CLMP: variants seen among roughly 807,000 people sequenced by gnomAD.
The protein encoded by CLMP is CXADR-like membrane protein.
A neutral mutation model predicts 45.2 loss-of-function variants in CLMP; 27 were observed. The ratio of observed to expected loss-of-function variants is 0.60; its 90% CI spans 0.44 to 0.82. The LOEUF is 0.82. Among genes scored for constraint, CLMP ranks in the 40% least tolerant of loss-of-function variants. The pLI, the probability that CLMP is intolerant of heterozygous loss-of-function variation, is 0.00. For missense variants in CLMP, 403 were observed against 448.4 expected (o/e 0.90, Z 0.91); for synonymous variants, 167 against 171.4 (o/e 0.97, Z 0.20).
intron 1 of CLMP, among the ~76,000 whole-genome samples, chr11:123,145,326 G>T (rs1368033165): frequency 1.3e-5 from 2 of 152,064 alleles, no homozygotes; most frequent in Non-Finnish European, 2.9e-5. Context: ...TGACTCACAG[G>T]TTGAGAACTA....
chr11:123,098,626 CA>C (rs1421838875), intron 1 of CLMP, among the ~76,000 whole-genome samples: 4 of 151,718 alleles, frequency 2.6e-5, no homozygotes, highest in Admixed American at 2.0e-4. Context: ...CCCTCGACCT[CA>C]CCAATTCAAG....
intron 1 of CLMP, among the ~76,000 whole-genome samples, chr11:123,147,105 A>C (rs566955625): frequency 6.4e-4 from 97 of 152,216 alleles, no homozygotes; most frequent in African/African-American, 2.2e-3. Flanking sequence ...CATATTTTCC[A>C]GTGTATTCAC....
At chr11:123,160,279 C>CAAAAAAAAAAAA (rs67087501) in intron 1 of CLMP, among the ~76,000 whole-genome samples, 1 of 46,670 alleles carries the variant, frequency 2.1e-5, no homozygotes, top group Non-Finnish European at 3.5e-5. Context: ...GACTCTGTCT[C>CAAAAAAAAAAAA]AAAAAAAAAA....
chr11:123,118,999 TTCTCTCTCTCTCTCTCTCTCTCTCTCTC>T (rs1248549147), intron 1 of CLMP, among the ~76,000 whole-genome samples: 8 of 14,150 alleles, frequency 5.7e-4, no homozygotes, highest in Admixed American at 9.6e-4. Context: ...CTTTCTTTCT[TTCTCTCTCTCTCTCTCTCTCTCTCTCTC>T]TCTCTCTCTC....
At chr11:123,119,160 C>G (rs1565388182) in intron 1 of CLMP, among the ~76,000 whole-genome samples, 1 of 150,302 alleles carries the variant, frequency 6.7e-6, no homozygotes, top group Non-Finnish European at 1.5e-5. Flanking sequence ...CTTGGCTCAC[C>G]ACAACCTCCA....
intron 5 of CLMP, among the ~76,000 whole-genome samples, chr11:123,078,567 C>T (rs1437585510): frequency 6.6e-6 from 1 of 152,008 alleles, no homozygotes; most frequent in Non-Finnish European, 1.5e-5. Flanking sequence ...CTACCTCAGC[C>T]TCCCGAGTAG....
At chr11:123,100,487 G>A (rs1866043158) in intron 1 of CLMP, among the ~76,000 whole-genome samples, 1 of 152,050 alleles carries the variant, frequency 6.6e-6, no homozygotes, top group Admixed American at 6.5e-5. Context: ...TGTTTTATTT[G>A]GGGGTGAGCT....
chr11:123,079,785 A>G lies in CLMP; in HGVS notation c.679+3300T>C, dbSNP rs114906063. On this transcript the variant is annotated intron_variant, in intron 5 of 6. Transcript: ENST00000448775. ...TAAGAAAAATTATCTAAACTTGGAA[A>G]TAGACAAAAGAACTACAGAACTTGG... Among the ~76,000 whole-genome samples the G allele has an allele frequency of 4.6e-3, 694 of 152,320 alleles. 7 individuals carry two copies. The highest frequency in any genetic ancestry group is 0.016 in the African/African-American group (670 of 41,578).
intron 1 of CLMP, among the ~76,000 whole-genome samples, chr11:123,193,643 T>G (rs180822907): frequency 6.6e-6 from 1 of 152,350 alleles, no homozygotes; most frequent in Admixed American, 6.5e-5. Flanking sequence ...AAGATGGGTA[T>G]GCATACAGTA....
chr11:123,194,239 A>G (rs1368686221), intron 1 of CLMP, among the ~76,000 whole-genome samples: 1 of 150,702 alleles, frequency 6.6e-6, no homozygotes, highest in Non-Finnish European at 1.5e-5. Context: ...TGCTTGCTCT[A>G]TTTCCCTCTG....
rs1193145851 is a variant in CLMP, at chr11:123,073,628, G to C, written c.968C>G (p.Ala323Gly). 1 of 1,614,122 alleles carries C rather than the reference G, an allele frequency of 6.2e-7. No individual in the cohort carries two copies. Among genetic ancestry groups the C allele is most frequent in the Non-Finnish European group, 8.5e-7 (1 of 1,180,048 alleles). The change falls in exon 7 of 7, where the codon GCA becomes GGA. Residue 323 changes from alanine (A) to glycine (G), a missense_variant. Ala to Gly is a moderately conservative substitution (Grantham distance 60). Transcript: ENST00000448775. ...CTGGGTGGCCAGCCCTGGCTGGGGTGCTGCGTCAGTTGACAGTGTCCGCTG... is the reference window on the plus strand; with the variant it reads ...CTGGGTGGCCAGCCCTGGCTGGGGTCCTGCGTCAGTTGACAGTGTCCGCTG... ...RSQRTLSTDA[A>G]PQPGLATQAY...
chr11:123,161,400 C>T (rs1861485953), intron 1 of CLMP, among the ~76,000 whole-genome samples: 1 of 151,920 alleles, frequency 6.6e-6, no homozygotes, highest in Non-Finnish European at 1.5e-5. Context: ...GGTATGGTGG[C>T]TCATGCCTGT....
chr11:123,166,528 G>C (rs79564165), intron 1 of CLMP, among the ~76,000 whole-genome samples: 1 of 152,224 alleles, frequency 6.6e-6, no homozygotes, highest in African/African-American at 2.4e-5. Flanking sequence ...AGCAGGCCGT[G>C]TTTGGACTAG....
intron 1 of CLMP, among the ~76,000 whole-genome samples, chr11:123,127,874 T>A (rs931662876): frequency 2.6e-5 from 4 of 151,938 alleles, no homozygotes; most frequent in African/African-American, 9.7e-5. Flanking sequence ...CTGTCTCTAC[T>A]GAAAATACAA....
At position 123,153,838 on chromosome 11, in the gene CLMP, A is replaced by G. The variant is rs544697095; in HGVS notation, c.28+41075T>C. Among the ~76,000 whole-genome samples, 32 of 138,866 alleles carry G rather than the reference A, an allele frequency of 2.3e-4. No homozygotes were observed. In the East Asian group the frequency reaches 4.7e-3, roughly 21 times the overall value. 91.1% of individuals were successfully genotyped at this position (138,866 alleles called of 152,430 possible). A position where few individuals can be genotyped will look rare whatever the true frequency, so the allele number is the denominator to read the frequency against. Reference sequence around the variant, plus strand: ...GCTGGGACTACAGGTGCATGCCACCATGCCTCACTTTTTTTTTTTTTTTTT... The same window carrying G: ...GCTGGGACTACAGGTGCATGCCACCGTGCCTCACTTTTTTTTTTTTTTTTT... On this transcript the variant is annotated intron_variant, in intron 1 of 6. Transcript: ENST00000448775.
chr11:123,100,396 AAC>A (rs973417486), intron 1 of CLMP, among the ~76,000 whole-genome samples: 5 of 151,548 alleles, frequency 3.3e-5, no homozygotes, highest in African/African-American at 1.2e-4. Context: ...AAAAAAAAAA[AAC>A]CAAAGATTGT....
chr11:123,191,082 T>C (rs1861900650), intron 1 of CLMP, among the ~76,000 whole-genome samples: 2 of 152,240 alleles, frequency 1.3e-5, no homozygotes, highest in African/African-American at 4.8e-5. Flanking sequence ...GATGTATACA[T>C]GTCTTTTTCT....
chr11:123,166,787 G>A (rs894431471), intron 1 of CLMP, among the ~76,000 whole-genome samples: 2 of 152,188 alleles, frequency 1.3e-5, no homozygotes, highest in African/African-American at 2.4e-5. Flanking sequence ...GATTTTGAAT[G>A]TTCTCACCAC....
intron 1 of CLMP, among the ~76,000 whole-genome samples, chr11:123,129,945 G>A (rs7931136): frequency 6.0e-5 from 9 of 149,966 alleles, no homozygotes; most frequent in Middle Eastern, 3.4e-3. Context: ...GGCTCCAGAC[G>A]TAAGAAACTA....
Sources: gnomAD v4.1 joint callset for allele counts (sites outside exome capture counted in the v4.1 genomes callset) on GRCh38, gnomAD v4.1.1 for gene constraint, MANE v1.5 for transcripts, NCBI Gene and HGNC (gene_info 2026-07-23, HGNC 2026-07-21) for gene names.